Variants in TMPRSS9 observed in about 807,000 individuals in gnomAD.
TMPRSS9 encodes transmembrane serine protease 9, also known as transmembrane protease serine 9.
In TMPRSS9, 113 loss-of-function variants were observed where a neutral mutation model predicts 111.4. The ratio of observed to expected loss-of-function variants is 1.01; its 90% CI spans 0.87 to 1.19. The LOEUF is 1.19. Ranked by LOEUF, TMPRSS9 falls within the 50% of genes most tolerant of loss-of-function variation. TMPRSS9 has a pLI of 0.00. For synonymous variants in TMPRSS9, 805 were observed against 659.1 expected, an observed-to-expected ratio of 1.22 and a Z score of -3.39; for missense variants, 1,803 against 1,513.1, an observed-to-expected ratio of 1.19 and a Z score of -3.18.
At chr19:2,362,919 TGTTGTGTGTG>T (rs780517234) in intron 1 of TMPRSS9, among the ~76,000 whole-genome samples, 1 of 151,348 alleles carries the variant, frequency 6.6e-6, no homozygotes, top group African/African-American at 2.4e-5. Context: ...TGTGGTAATG[TGTTGTGTGTG>T]GTTGTGTGTT....
intron 1 of TMPRSS9, among the ~76,000 whole-genome samples, chr19:2,364,642 C>T (rs965714961): frequency 7.2e-5 from 11 of 152,232 alleles, no homozygotes; most frequent in African/African-American, 2.4e-4. Context: ...CCCGCACACC[C>T]ACCTTCCACC....
intron 15 of TMPRSS9, among the ~76,000 whole-genome samples, chr19:2,424,728 C>T (rs1385893543): frequency 6.6e-6 from 1 of 152,128 alleles, no homozygotes; most frequent in African/African-American, 2.4e-5. Flanking sequence ...CTCTGCAGGG[C>T]TGGAGGTCAG....
intron 1 of TMPRSS9, among the ~76,000 whole-genome samples, chr19:2,381,522 A>G (rs1970384839): frequency 2.0e-5 from 3 of 151,970 alleles, no homozygotes; most frequent in African/African-American, 7.3e-5. Context: ...CTCAAGCGTA[A>G]GAGTAAATGG....
intron 9 of TMPRSS9, among the ~76,000 whole-genome samples, chr19:2,411,146 A>G (rs1444710234): frequency 6.6e-5 from 10 of 151,410 alleles, no homozygotes; most frequent in Admixed American, 2.0e-4. Context: ...CTAAAAATAC[A>G]AAAATTAGCC....
rs765723432 is a variant in TMPRSS9 at position 2,425,385 on chromosome 19, G to T, written c.3012G>T (p.Ala1004=). Reference sequence around the variant, plus strand: ...CCATGGCGCGGCAGCTGCAGAAGGCGGCCGTGCGCCTCCTCAGCGAGCAGA... The same window carrying T: ...CCATGGCGCGGCAGCTGCAGAAGGCTGCCGTGCGCCTCCTCAGCGAGCAGA... The change falls in exon 17 of 18, where the codon GCG becomes GCT. Residue 1004 remains alanine (A), a synonymous_variant. Coordinates refer to ENST00000648592, the Ensembl canonical transcript of TMPRSS9. 1.5e-5 allele frequency: 23 copies of T among 1,544,878 alleles called. No homozygotes were observed. In the Admixed American group the frequency reaches 3.2e-4, roughly 21 times the overall value.
chr19:2,415,678 G>A, exon 11 of TMPRSS9: 3 of 1,595,698 alleles, frequency 1.9e-6, no homozygotes, highest in Non-Finnish European at 2.6e-6. Context: ...AGAATGTGGG[G>A]CCAGGCCTGC....
intron 9 of TMPRSS9, among the ~76,000 whole-genome samples, chr19:2,411,558 T>A (rs1467757742): frequency 6.7e-6 from 1 of 149,300 alleles, no homozygotes; most frequent in East Asian, 2.1e-4. Flanking sequence ...CCACCACACC[T>A]AGCTAATTTT....
intron 2 of TMPRSS9, 152 bp downstream of exon 3, chr19:2,396,818 G>C: frequency 8.8e-7 from 1 of 1,141,584 alleles, no homozygotes; most frequent in East Asian, 2.6e-5. Context: ...CAGGGGGCGG[G>C]CAGGACGAGG....
intron 1 of TMPRSS9, among the ~76,000 whole-genome samples, chr19:2,393,990 C>T (rs867802520): frequency 1.3e-5 from 2 of 151,228 alleles, no homozygotes; most frequent in Non-Finnish European, 2.9e-5. Flanking sequence ...ATCATGAGGT[C>T]AGGAGATTGA....
chr19:2,409,051 A>G (rs958688649), intron 8 of TMPRSS9, among the ~76,000 whole-genome samples: 15 of 148,286 alleles, frequency 1.0e-4, no homozygotes, highest in African/African-American at 3.5e-4. Flanking sequence ...AGAAAAACAC[A>G]GTGGGTCTGC....
rs762007515 is a variant in TMPRSS9, at chr19:2,422,259, G to C, written c.2548+12G>C. ...CACCCAGCTACCAGGTACCGGGAGA[G>C]ACGGAGGGATCCCTGGGAGTGGAGG... On this transcript the variant is annotated intron_variant, in intron 14 of 17. Transcript: ENST00000648592. The C allele has an allele frequency of 1.3e-6, 2 of 1,497,770 alleles. No individual in the cohort carries two copies. Among genetic ancestry groups the C allele is most frequent in the South Asian group, 1.3e-5 (1 of 74,482 alleles). The allele number at this position is 1,497,770 out of a possible 1,614,324, so 92.8% of individuals were successfully genotyped here.
chr19:2,425,238 T>G, exon 16 of TMPRSS9: 1 of 1,420,644 alleles, frequency 7.0e-7, no homozygotes, highest in Non-Finnish European at 9.2e-7. Context: ...CGCTGCGTCA[T>G]CACCGGCTGG....
At chr19:2,371,183 A>T (rs1001336132) in intron 1 of TMPRSS9, among the ~76,000 whole-genome samples, 1 of 151,200 alleles carries the variant, frequency 6.6e-6, no homozygotes, top group Non-Finnish European at 1.5e-5. Context: ...CTAAACCAAG[A>T]CTCTCCCCAG....
At chr19:2,376,777 C>A (rs1042961374) in intron 1 of TMPRSS9, among the ~76,000 whole-genome samples, 1 of 152,066 alleles carries the variant, frequency 6.6e-6, no homozygotes. Flanking sequence ...TTTCTAGGAA[C>A]GTACCCAGAG....
intron 6 of TMPRSS9, among the ~76,000 whole-genome samples, chr19:2,403,504 C>T (rs1002418333): frequency 1.3e-5 from 2 of 152,068 alleles, no homozygotes; most frequent in African/African-American, 2.4e-5. Context: ...GAGCTCTGTC[C>T]TATAAGCAGT....
chr19:2,366,050 C>T (rs1010096963), intron 1 of TMPRSS9, among the ~76,000 whole-genome samples: 1 of 151,982 alleles, frequency 6.6e-6, no homozygotes. Flanking sequence ...CTGAGGTGAA[C>T]CTTTGGGTTT....
chr19:2,422,339 G>A, intron 14 of TMPRSS9, 92 bp downstream of exon 15: 8 of 1,412,818 alleles, frequency 5.7e-6, no homozygotes, highest in South Asian at 3.2e-5. Flanking sequence ...GTCCACTTTG[G>A]GAGGCCGAGG....
intron 10 of TMPRSS9, among the ~76,000 whole-genome samples, chr19:2,415,197 G>A (rs1007035811): frequency 1.3e-5 from 2 of 151,986 alleles, no homozygotes; most frequent in Non-Finnish European, 2.9e-5. Context: ...TGCCCGCCTT[G>A]GCCTCCCAAA....
Position 2,399,044 on chromosome 19 carries a change from A to G in TMPRSS9, c.365A>G (p.His122Arg), listed in dbSNP as rs1157936737. ...GATGGGAACTCCAGTGTCCTCGTACATTTCCAGCTGCACTTTCTGCTGCGA... is the reference window on the plus strand; with the variant it reads ...GATGGGAACTCCAGTGTCCTCGTACGTTTCCAGCTGCACTTTCTGCTGCGA... The change falls in exon 4 of 18, where the codon CAT becomes CGT. Residue 122 changes from histidine to arginine, a missense_variant. By Grantham distance (29) the His-to-Arg change is conservative. Transcript: ENST00000648592. 5.0e-6 allele frequency: 8 copies of G among 1,612,756 alleles called. No individual in the cohort carries two copies. The East Asian group carries it at 6.7e-5, about 13-fold the overall frequency.
Sources: gnomAD v4.1 joint callset for allele counts (sites outside exome capture counted in the v4.1 genomes callset) on GRCh38, gnomAD v4.1.1 for gene constraint, MANE v1.5 for transcripts, NCBI Gene and HGNC (gene_info 2026-07-23, HGNC 2026-07-21) for gene names.